LYPD6: variants seen among roughly 807,000 people sequenced by gnomAD.
The protein encoded by LYPD6 is ly6/PLAUR domain-containing protein 6.
In LYPD6, 15 loss-of-function variants were observed where a neutral mutation model predicts 22.7. The ratio of observed to expected loss-of-function variants is 0.66; its 90% confidence interval spans 0.44 to 1.02. The LOEUF (loss-of-function observed/expected upper bound fraction) is 1.02, where lower values mean the gene tolerates loss of function less well. Ranked by LOEUF, LYPD6 falls within the 50% of genes least tolerant of loss-of-function variation. The pLI, the probability that LYPD6 is intolerant of heterozygous loss-of-function variation, is 0.00. For missense variants in LYPD6, 189 were observed against 208.4 expected, an observed-to-expected ratio of 0.91 and a Z score of 0.57; for synonymous variants, 72 against 77.5, an observed-to-expected ratio of 0.93 and a Z score of 0.37.
At chr2:149,484,384 A>T in the LYPD6 span, among the ~76,000 whole-genome samples, 3 of 152,304 alleles carry the variant, frequency 2.0e-5, no homozygotes, top group Middle Eastern at 6.8e-3. Context: ...AATTGTCATG[A>T]TGCCACGGCT....
At chr2:149,455,877 C>T (rs1680946378) in intron 3 of LYPD6, among the ~76,000 whole-genome samples, 1 of 152,162 alleles carries the variant, frequency 6.6e-6, no homozygotes, top group Non-Finnish European at 1.5e-5. Context: ...GTGAGAGGTT[C>T]ATTAAGAAAT....
chr2:149,459,258 TA>T (rs1681033986), intron 3 of LYPD6, among the ~76,000 whole-genome samples: 1 of 152,142 alleles, frequency 6.6e-6, no homozygotes, highest in African/African-American at 2.4e-5. Context: ...TTCCAACTGT[TA>T]AAAAAAGCTA....
intron 1 of LYPD6, among the ~76,000 whole-genome samples, chr2:149,353,955 C>T (rs1234204960): frequency 2.0e-5 from 3 of 152,130 alleles, no homozygotes; most frequent in Admixed American, 6.5e-5. Flanking sequence ...GGGGCTGAAA[C>T]TTCACTCAGA....
chr2:149,461,894 C>G (rs1041130977), intron 3 of LYPD6, among the ~76,000 whole-genome samples: 2 of 151,872 alleles, frequency 1.3e-5, no homozygotes, highest in Non-Finnish European at 2.9e-5. Context: ...TAGCGAGAAA[C>G]TTCTTCAACT....
intron 4 of LYPD6, 76 bp downstream of exon 4, chr2:149,468,851 G>A (rs1681268778): frequency 6.7e-7 from 1 of 1,503,460 alleles, no homozygotes; most frequent in Non-Finnish European, 9.1e-7. Flanking sequence ...GTACTCATGA[G>A]CAGATTCTTA....
At chr2:149,379,053 G>A (rs993881509) in intron 1 of LYPD6, among the ~76,000 whole-genome samples, 5 of 152,120 alleles carry the variant, frequency 3.3e-5, no homozygotes, top group East Asian at 3.8e-4. Flanking sequence ...TGAATTCACC[G>A]AATTGACTGA....
intron 1 of LYPD6, among the ~76,000 whole-genome samples, chr2:149,356,542 G>C (rs1269174535): frequency 6.6e-6 from 1 of 152,112 alleles, no homozygotes; most frequent in Admixed American, 6.5e-5. Flanking sequence ...TTCTTTTAAT[G>C]ATTTGGTAAA....
chr2:149,425,820 T>G (rs1683177437), intron 1 of LYPD6, among the ~76,000 whole-genome samples: 3 of 152,212 alleles, frequency 2.0e-5, no homozygotes, highest in Admixed American at 2.0e-4. Context: ...TAACTAAGTG[T>G]GCTAATTAGT....
At chr2:149,441,942 G>T (rs1398013840) in intron 2 of LYPD6, among the ~76,000 whole-genome samples, 4 of 152,098 alleles carry the variant, frequency 2.6e-5, no homozygotes, top group Admixed American at 2.6e-4. Context: ...GTATTCCTGT[G>T]GGGGCTTGTT....
intron 1 of LYPD6, among the ~76,000 whole-genome samples, chr2:149,339,789 C>T (rs1681125643): frequency 6.6e-6 from 1 of 152,080 alleles, no homozygotes; most frequent in Non-Finnish European, 1.5e-5. Context: ...CAAGAGGATG[C>T]AAAGTAAAAT....
chr2:149,447,478 C>G (rs372236674), intron 2 of LYPD6, among the ~76,000 whole-genome samples: 1 of 152,206 alleles, frequency 6.6e-6, no homozygotes, highest in Non-Finnish European at 1.5e-5. Context: ...CCCACATCCC[C>G]CCAGCATCTA....
intron 1 of LYPD6, among the ~76,000 whole-genome samples, chr2:149,332,764 C>T (rs1453140876): frequency 6.6e-6 from 1 of 152,202 alleles, no homozygotes; most frequent in Non-Finnish European, 1.5e-5. Flanking sequence ...CATTGTGAAT[C>T]ATCCCCAAAA....
At chr2:149,452,841 C>A (rs555898772) in intron 3 of LYPD6, among the ~76,000 whole-genome samples, 1 of 152,292 alleles carries the variant, frequency 6.6e-6, no homozygotes, top group Admixed American at 6.5e-5. Flanking sequence ...AAGCTTTCTC[C>A]TGACTGGAAT....
chr2:149,467,464 G>A (rs971263078), intron 3 of LYPD6, among the ~76,000 whole-genome samples: 3 of 152,140 alleles, frequency 2.0e-5, no homozygotes, highest in African/African-American at 7.2e-5. Flanking sequence ...CTTCCAGGAT[G>A]TGTTGAAGGG....
At chr2:149,409,366 T>G (rs543796320) in intron 1 of LYPD6, among the ~76,000 whole-genome samples, 100 of 152,080 alleles carry the variant, frequency 6.6e-4, no homozygotes, top group African/African-American at 2.3e-3. Flanking sequence ...AGAGCACTGA[T>G]TTTGTGTTGG....
the LYPD6 span, among the ~76,000 whole-genome samples, chr2:149,480,015 C>T: frequency 7.0e-6 from 1 of 143,848 alleles, no homozygotes; most frequent in African/African-American, 2.8e-5. Flanking sequence ...CCTTTTTTCT[C>T]TCTCTTTTTT....
chr2:149,359,646 T>G (rs912582793), intron 1 of LYPD6, among the ~76,000 whole-genome samples: 1 of 152,240 alleles, frequency 6.6e-6, no homozygotes, highest in Non-Finnish European at 1.5e-5. Context: ...CCAGGTCCTT[T>G]AATTCCTTCA....
intron 1 of LYPD6, among the ~76,000 whole-genome samples, chr2:149,371,488 C>T (rs1205628665): frequency 6.6e-6 from 1 of 152,020 alleles, no homozygotes; most frequent in Non-Finnish European, 1.5e-5. Context: ...TTTAGTTTAC[C>T]AAAAAGAGGA....
intron 1 of LYPD6, among the ~76,000 whole-genome samples, chr2:149,419,625 G>T (rs992416093): frequency 6.6e-6 from 1 of 152,158 alleles, no homozygotes; most frequent in African/African-American, 2.4e-5. Flanking sequence ...TGCTACCCTT[G>T]TTATAGAGAA....
Sources: allele counts gnomAD v4.1 joint callset (sites outside exome capture counted in the v4.1 genomes callset), GRCh38; gene constraint gnomAD v4.1.1; transcripts MANE v1.5; gene names NCBI Gene and HGNC (gene_info 2026-07-23, HGNC 2026-07-21).